SEMA3E: variants seen among roughly 807,000 people sequenced by gnomAD.
SEMA3E encodes the protein semaphorin 3E, also known as semaphorin-3E.
In SEMA3E, 49 loss-of-function variants were observed where a neutral mutation model predicts 93.6. The ratio of observed to expected loss-of-function variants is 0.52; its 90% CI spans 0.42 to 0.66. The LOEUF (loss-of-function observed/expected upper bound fraction) is 0.66, where lower values mean the gene tolerates loss of function less well. SEMA3E is among the 30% of genes least tolerant of loss of function. The probability of loss-of-function intolerance (pLI) is 0.00; values close to 1 mark genes in which losing one functional copy is unlikely to be tolerated. For synonymous variants in SEMA3E, 363 were observed against 330.7 expected, an observed-to-expected ratio of 1.10 and a Z score of -1.06; for missense variants, 906 against 964.8, an observed-to-expected ratio of 0.94 and a Z score of 0.81.
At chr7:83,447,660 AAGATATTTAGCAAGAG>A in intron 4 of SEMA3E, among the ~76,000 whole-genome samples, 1 of 152,354 alleles carries the variant, frequency 6.6e-6, no homozygotes, top group Middle Eastern at 3.4e-3. Context: ...CAAAATAGAA[AAGATATTTAGCAAGAG>A]AGATAGAAAC....
At chr7:83,481,944 T>C (rs980237220) in intron 2 of SEMA3E, among the ~76,000 whole-genome samples, 6 of 152,178 alleles carry the variant, frequency 3.9e-5, no homozygotes, top group Admixed American at 1.3e-4. Context: ...GGATAGTTAA[T>C]ACCCCAGCAT....
At chr7:83,472,457 G>A (rs1331852149) in intron 2 of SEMA3E, among the ~76,000 whole-genome samples, 1 of 152,156 alleles carries the variant, frequency 6.6e-6, no homozygotes, top group African/African-American at 2.4e-5. Context: ...GTTCCCAAAT[G>A]TTTTTGTGGC....
chr7:83,634,013 A>T (rs1793834159), intron 1 of SEMA3E, among the ~76,000 whole-genome samples: 1 of 152,226 alleles, frequency 6.6e-6, no homozygotes, highest in Non-Finnish European at 1.5e-5. Context: ...TCACATTAAC[A>T]GTATTCTAGA....
intron 1 of SEMA3E, among the ~76,000 whole-genome samples, chr7:83,583,514 T>G (rs1039359961): frequency 1.3e-5 from 2 of 152,128 alleles, no homozygotes; most frequent in Non-Finnish European, 2.9e-5. Context: ...TTTTATCTGC[T>G]TACCATTCGT....
intron 2 of SEMA3E, among the ~76,000 whole-genome samples, chr7:83,479,130 C>A (rs1304740104): frequency 6.6e-6 from 1 of 152,194 alleles, no homozygotes; most frequent in Non-Finnish European, 1.5e-5. Context: ...CCTCTTCCCA[C>A]CCACATGTCG....
intron 16 of SEMA3E, among the ~76,000 whole-genome samples, 169 bp from the exon 17 acceptor site, chr7:83,368,207 CTCTGTGTGTGTGTGTG>C (rs1270643593): frequency 7.7e-6 from 1 of 129,102 alleles, no homozygotes; most frequent in Non-Finnish European, 1.6e-5. Context: ...CTCTCTCTCT[CTCTGTGTGTGTGTGTG>C]TGTGTGTGTG....
chr7:83,478,813 T>A (rs1048237768), intron 2 of SEMA3E, among the ~76,000 whole-genome samples: 7 of 152,188 alleles, frequency 4.6e-5, no homozygotes, highest in African/African-American at 1.2e-4. Flanking sequence ...AAGACCAATA[T>A]GGGAGACAGG....
At chr7:83,387,092 T>C (rs769303666) in intron 14 of SEMA3E, 42 bp from the exon 15 acceptor site, 13 of 1,569,198 alleles carry the variant, frequency 8.3e-6, no homozygotes, top group Non-Finnish European at 1.1e-5. Flanking sequence ...TTTTTTCAAT[T>C]TTCCAGACTT....
chr7:83,396,465 T>C (rs1428206293), intron 12 of SEMA3E, among the ~76,000 whole-genome samples, 173 bp downstream of exon 12: 2 of 152,138 alleles, frequency 1.3e-5, no homozygotes, highest in Non-Finnish European at 2.9e-5. Flanking sequence ...AGTTGAAACG[T>C]CTGTAACAAT....
chr7:83,629,401 T>TC (rs1284127921), intron 1 of SEMA3E, among the ~76,000 whole-genome samples: 1 of 152,028 alleles, frequency 6.6e-6, no homozygotes, highest in Non-Finnish European at 1.5e-5. Flanking sequence ...AGCCACCCCT[T>TC]CCCCCAGGTC....
intron 4 of SEMA3E, among the ~76,000 whole-genome samples, chr7:83,453,138 C>T (rs558317647): frequency 1.3e-4 from 20 of 152,104 alleles, no homozygotes; most frequent in Non-Finnish European, 2.5e-4. Flanking sequence ...AGCAATTCTC[C>T]TGTCTCAGCC....
At chr7:83,530,786 GA>G (rs1384025517) in intron 1 of SEMA3E, among the ~76,000 whole-genome samples, 1 of 152,090 alleles carries the variant, frequency 6.6e-6, no homozygotes, top group South Asian at 2.1e-4. Context: ...GCTGAGGCAG[GA>G]GAATCACTTG....
At chr7:83,443,916 G>GATATATATATATATATATATATAT (rs60405752) in intron 4 of SEMA3E, among the ~76,000 whole-genome samples, 1 of 147,384 alleles carries the variant, frequency 6.8e-6, no homozygotes, top group African/African-American at 2.5e-5. Context: ...ATAATGACCT[G>GATATATATATATATATATATATAT]ATATATATAT....
intron 1 of SEMA3E, among the ~76,000 whole-genome samples, chr7:83,509,808 C>A (rs1205964253): frequency 6.6e-6 from 1 of 152,156 alleles, no homozygotes; most frequent in Non-Finnish European, 1.5e-5. Flanking sequence ...TTGAGAACTT[C>A]TGCTGTAGAA....
At chr7:83,534,562 C>T (rs1791374474) in intron 1 of SEMA3E, among the ~76,000 whole-genome samples, 1 of 152,030 alleles carries the variant, frequency 6.6e-6, no homozygotes, top group East Asian at 1.9e-4. Context: ...TTTCACACCC[C>T]ATTAAATGGT....
intron 4 of SEMA3E, among the ~76,000 whole-genome samples, chr7:83,439,657 C>T (rs1269864288): frequency 6.6e-6 from 1 of 152,174 alleles, no homozygotes; most frequent in Non-Finnish European, 1.5e-5. Context: ...CAGTTACATA[C>T]TTGAAATGAG....
chr7:83,524,259 G>A (rs1025556328), intron 1 of SEMA3E, among the ~76,000 whole-genome samples: 5 of 152,074 alleles, frequency 3.3e-5, no homozygotes, highest in Non-Finnish European at 7.4e-5. Context: ...GAGTCCACCT[G>A]AGGTACCTTA....
At chr7:83,461,253 C>T (rs993349713) in intron 4 of SEMA3E, among the ~76,000 whole-genome samples, 1 of 152,150 alleles carries the variant, frequency 6.6e-6, no homozygotes, top group African/African-American at 2.4e-5. Flanking sequence ...TTCCCTCCCG[C>T]CTGTACCCTC....
At chr7:83,481,936 A>T (rs1790153234) in intron 2 of SEMA3E, among the ~76,000 whole-genome samples, 1 of 152,178 alleles carries the variant, frequency 6.6e-6, no homozygotes, top group African/African-American at 2.4e-5. Flanking sequence ...ACCAGCAAGG[A>T]TAGTTAATAC....
Sources: gnomAD v4.1 joint callset for allele counts (sites outside exome capture counted in the v4.1 genomes callset) on GRCh38, gnomAD v4.1.1 for gene constraint, MANE v1.5 for transcripts, NCBI Gene and HGNC (gene_info 2026-07-23, HGNC 2026-07-21) for gene names.